The following IL2RB variants were observed in gnomAD, a reference collection of about 807,000 sequenced individuals.
IL2RB encodes interleukin 2 receptor subunit beta, also known as interleukin-2 receptor subunit beta.
IL2RB carries 17 observed loss-of-function variants against 44.2 expected under a neutral mutation model. That is an observed-to-expected ratio of 0.38 (90% confidence interval 0.26 to 0.58). The LOEUF is 0.58. IL2RB is among the 20% of genes least tolerant of loss of function. The probability of loss-of-function intolerance (pLI) is 0.63; values close to 1 mark genes in which losing one functional copy is unlikely to be tolerated. For synonymous variants in IL2RB, 286 were observed against 297.9 expected (o/e 0.96, Z 0.41); for missense variants, 624 against 685.5 (o/e 0.91, Z 1.00).
intron 2 of IL2RB, 53 bp from the exon 3 acceptor site, chr22:37,143,688 C>A (rs1922081710): frequency 2.4e-6 from 3 of 1,269,216 alleles, no homozygotes; most frequent in African/African-American, 1.5e-5. Context: ...ACAGCCCCCC[C>A]AAGACACGCC....
chr22:37,149,773 C>T (rs1299936974), intron 1 of IL2RB, 52 bp downstream of exon 1: 2 of 886,320 alleles, frequency 2.3e-6, no homozygotes, highest in East Asian at 1.2e-4. Context: ...ACTTTCACTC[C>T]CAGCCCTCTG....
intron 6 of IL2RB, among the ~76,000 whole-genome samples, chr22:37,136,721 A>G (rs887872922): frequency 5.9e-5 from 9 of 151,574 alleles, no homozygotes; most frequent in African/African-American, 2.2e-4. Flanking sequence ...TCTGGTTCCC[A>G]CCCGTGCCCC....
rs183412571 is a variant in IL2RB at position 37,167,993 on chromosome 22, G to A, written c.-34+6965C>T. Among the ~76,000 whole-genome samples, 30 of 152,380 alleles carry A rather than the reference G, an allele frequency of 2.0e-4. No homozygotes were observed. In the East Asian group the frequency reaches 5.6e-3, roughly 28 times the overall value. On this transcript the variant is annotated intron_variant, in intron 1 of 5. Coordinates refer to the IL2RB transcript ENST00000429622. ...AGGATTTACTGAGCACCTGCTGGCA[G>A]CAGCATGCTGGGCACTGTGGGAATG...
Position 37,128,118 on chromosome 22 carries a change from T to TTGGTGTA in IL2RB, c.1633_1634insTACACCA (p.Gln545LeufsTer132). The TTGGTGTA allele has an allele frequency of 6.3e-7, 1 of 1,575,728 alleles. No homozygotes were observed. Among genetic ancestry groups the TTGGTGTA allele is most frequent in the Non-Finnish European group, 8.6e-7 (1 of 1,165,216 alleles). On this transcript the variant is annotated frameshift_variant, in exon 10 of 10. Transcript: ENST00000216223. LOFTEE classifies it high-confidence loss of function. The surrounding 1 kb of genome is among the most constrained non-coding windows in gnomAD (Gnocchi z 4.5). ...TGTCTACACCAAGTGAGTTGGGTCC[T>TTGGTGTA]GACCCTGGAGTTCTTGGAGGGACAA...
At chr22:37,139,269 AG>A (rs1367524154) in intron 4 of IL2RB, 47 bp from the exon 5 acceptor site, 2 of 1,371,176 alleles carry the variant, frequency 1.5e-6, no homozygotes, top group African/African-American at 2.9e-5. Context: ...AGCTTCAGGC[AG>A]GGGAAGGGGG....
At chr22:37,150,748 TC>T (rs1435845255), upstream of IL2RB, among the ~76,000 whole-genome samples, 4 of 151,964 alleles carry the variant, frequency 2.6e-5, no homozygotes, top group Non-Finnish European at 4.4e-5. Context: ...CCTTCCCATC[TC>T]CATCACTGCC....
chr22:37,136,341 G>A lies in IL2RB; in HGVS notation c.590C>T (p.Thr197Met), dbSNP rs143330463. ...CTCATACTGGGTGTCTGGGGTGAGC[G>A]TCTCCAGGCAGATCCATTCCTGCTT... ...KQKQEWICLE[T>M]LTPDTQYEFQ... is the part of the protein sequence containing the mutation. The change falls in exon 7 of 10, where the codon ACG becomes ATG. Residue 197 changes from threonine to methionine, a missense_variant. Physicochemically the swap from Thr to Met is moderately conservative, Grantham distance 81. Around this residue, in one of 3 missense-constraint regions of IL2RB, gnomAD observed 255 missense variants for 339.9 expected, o/e 0.75. Coordinates refer to ENST00000216223, the MANE Select transcript of IL2RB (RefSeq NM_000878.5). 7.2e-4 allele frequency: 1,161 copies of A among 1,612,904 alleles called. 1 individual carries two copies. The highest frequency in any genetic ancestry group is 9.0e-4 in the Non-Finnish European group (1,060 of 1,179,600).
At chr22:37,163,007 C>T (rs1922934705) in intron 1 of IL2RB, among the ~76,000 whole-genome samples, 1 of 152,240 alleles carries the variant, frequency 6.6e-6, no homozygotes, top group African/African-American at 2.4e-5. Flanking sequence ...GGGGCATGAG[C>T]ACTGGACTGA....
chr22:37,174,491 A>G (rs920044192), intron 1 of IL2RB, among the ~76,000 whole-genome samples: 3 of 152,192 alleles, frequency 2.0e-5, no homozygotes, highest in African/African-American at 7.2e-5. Context: ...GATCAGGCCA[A>G]TGCATCTGTT....
intron 1 of IL2RB, among the ~76,000 whole-genome samples, chr22:37,146,687 C>T (rs978005427): frequency 6.6e-6 from 1 of 152,216 alleles, no homozygotes; most frequent in African/African-American, 2.4e-5. Context: ...GCAGCAGGGC[C>T]GGCGTTGACC....
intron 1 of IL2RB, among the ~76,000 whole-genome samples, chr22:37,146,516 C>A (rs2146249055): frequency 6.6e-6 from 1 of 152,342 alleles, no homozygotes; most frequent in South Asian, 2.1e-4. Context: ...AAGGTCCTTC[C>A]CAAGTCTATC....
chr22:37,161,317 CCTGTTT>C (rs1922862305), intron 1 of IL2RB, among the ~76,000 whole-genome samples: 1 of 152,154 alleles, frequency 6.6e-6, no homozygotes, highest in Non-Finnish European at 1.5e-5. Flanking sequence ...CTCTGCCAGC[CCTGTTT>C]CTTCTCAGGT....
At chr22:37,172,218 A>G (rs1349689997) in intron 1 of IL2RB, among the ~76,000 whole-genome samples, 1 of 150,248 alleles carries the variant, frequency 6.7e-6, no homozygotes, top group African/African-American at 2.5e-5. Flanking sequence ...GGTAAAGTAA[A>G]AAAAAAAAAA....
At chr22:37,165,999 A>T (rs1444808964) in intron 1 of IL2RB, among the ~76,000 whole-genome samples, 1 of 152,170 alleles carries the variant, frequency 6.6e-6, no homozygotes, top group Non-Finnish European at 1.5e-5. Context: ...TGTCTTTGCC[A>T]CAGGTGTGTT....
rs768662521 is a variant in IL2RB, at chr22:37,143,610, G to A, written c.114C>T (p.Tyr38=). The change falls in exon 3 of 10, where the codon TAC becomes TAT. Residue 38 remains tyrosine, a synonymous_variant. Transcript: ENST00000216223. ...CACAGGAGATGTTGGCTCTCGAGTT[G>A]TAGAAGCATGTGAACTGGGAAGTGC... The part of the protein sequence containing the change: ...VNGTSQFTCF[Y]NSRANISCVW... The A allele has an allele frequency of 1.2e-6, 2 of 1,614,006 alleles. No homozygotes were observed. The highest frequency in any genetic ancestry group is 1.7e-6 in the Non-Finnish European group (2 of 1,179,918).
At chr22:37,145,636 G>A (rs1601604398) in intron 1 of IL2RB, among the ~76,000 whole-genome samples, 1 of 152,112 alleles carries the variant, frequency 6.6e-6, no homozygotes, top group South Asian at 2.1e-4. Context: ...TTCCAGGAGA[G>A]GTGTTTGGAG....
upstream of IL2RB, among the ~76,000 whole-genome samples, chr22:37,154,859 C>T (rs1922623675): frequency 6.6e-6 from 1 of 152,112 alleles, no homozygotes; most frequent in Non-Finnish European, 1.5e-5. Flanking sequence ...CAGACGTTAG[C>T]CACCACGGCC....
intron 1 of IL2RB, among the ~76,000 whole-genome samples, chr22:37,163,632 G>A (rs1440210874): frequency 6.6e-6 from 1 of 152,188 alleles, no homozygotes; most frequent in Admixed American, 6.5e-5. Flanking sequence ...TCAGCCCTTG[G>A]GAGGGGCTCC....
Position 37,136,321 on chromosome 22 carries a change from A to G in IL2RB, c.610T>C (p.Tyr204His). ...CLETLTPDTQ[Y>H]EFQVRVKPLQ... The stretch of plus-strand genomic sequence containing the variant: ...GGCTTGACCCGCACCTGAAACTCAT[A>G]CTGGGTGTCTGGGGTGAGCGTCTCC... The change falls in exon 7 of 10, where the codon TAT becomes CAT. Residue 204 changes from tyrosine to histidine, a missense_variant. Coordinates refer to ENST00000216223, the MANE Select transcript of IL2RB (RefSeq NM_000878.5). 1 of 1,613,062 alleles carries G rather than the reference A, an allele frequency of 6.2e-7. No homozygotes were observed. Among genetic ancestry groups the G allele is most frequent in the East Asian group, 2.2e-5 (1 of 44,828 alleles).
Sources: gnomAD v4.1 joint callset for allele counts (sites outside exome capture counted in the v4.1 genomes callset) on GRCh38, gnomAD v4.1.1 for gene constraint, gnomAD v4.1.1 regional missense constraint, Gnocchi (gnomAD v3.1) non-coding constraint, MANE v1.5 for transcripts, NCBI Gene and HGNC (gene_info 2026-07-23, HGNC 2026-07-21) for gene names.